GDA: variants seen among roughly 807,000 people sequenced by gnomAD.
GDA encodes the protein guanine deaminase.
In GDA, 18 loss-of-function variants were observed where a neutral mutation model predicts 59.6. That is an observed-to-expected ratio of 0.30 (90% CI 0.21 to 0.45). GDA has a LOEUF of 0.45. Ranked by LOEUF, GDA falls within the 20% of genes least tolerant of loss-of-function variation. The pLI, the probability that GDA is intolerant of heterozygous loss-of-function variation, is 1.00. For missense variants in GDA, 427 were observed against 552.3 expected, an observed-to-expected ratio of 0.77 and a Z score of 2.27; for synonymous variants, 201 against 201.1, an observed-to-expected ratio of 1.00 and a Z score of 0.00.
At chr9:72,174,666 T>A (rs1259730125) in intron 1 of GDA, among the ~76,000 whole-genome samples, 1 of 151,894 alleles carries the variant, frequency 6.6e-6, no homozygotes, top group Non-Finnish European at 1.5e-5. Flanking sequence ...ATGAATGATG[T>A]GTTGAGGAGG....
At chr9:72,121,497 T>A (rs1587291778) in intron 1 of GDA, among the ~76,000 whole-genome samples, 1 of 152,280 alleles carries the variant, frequency 6.6e-6, no homozygotes, top group Non-Finnish European at 1.5e-5. Context: ...CTCGGGAGGC[T>A]GAGGCAGGAG....
chr9:72,246,721 G>A (rs191863334), intron 12 of GDA, among the ~76,000 whole-genome samples: 1 of 147,530 alleles, frequency 6.8e-6, no homozygotes, highest in Admixed American at 6.8e-5. Context: ...CTGCATTGGG[G>A]TAAGGGGTAA....
intron 10 of GDA, among the ~76,000 whole-genome samples, chr9:72,236,008 A>G (rs910487671): frequency 6.6e-6 from 1 of 152,192 alleles, no homozygotes; most frequent in Non-Finnish European, 1.5e-5. Context: ...TTCTTCCATT[A>G]TTCCAAAAAC....
intron 4 of GDA, among the ~76,000 whole-genome samples, chr9:72,211,141 A>G (rs1279009801): frequency 1.3e-5 from 2 of 152,182 alleles, no homozygotes; most frequent in East Asian, 3.9e-4. Flanking sequence ...CAGCAGATAC[A>G]TGGTGGCTAT....
chr9:72,216,321 C>T (rs2131507877), intron 5 of GDA, among the ~76,000 whole-genome samples: 1 of 152,294 alleles, frequency 6.6e-6, no homozygotes, highest in East Asian at 1.9e-4. Flanking sequence ...GGTTGCATTT[C>T]CAGCACATTC....
chr9:72,145,718 A>G (rs1202273101), upstream of GDA, among the ~76,000 whole-genome samples: 8 of 152,170 alleles, frequency 5.3e-5, no homozygotes, highest in Non-Finnish European at 1.0e-4. Flanking sequence ...AATAGAGAAA[A>G]TTGAGATTGT....
At chr9:72,257,832 TGAG>T (rs1361179801), downstream of GDA, 1 of 151,758 alleles carries the variant, frequency 6.6e-6, no homozygotes, top group Non-Finnish European at 1.5e-5. Flanking sequence ...CTCAGGAGGC[TGAG>T]GTGGGAGGAT....
At chr9:72,136,078 AT>A (rs1826214204) in intron 1 of GDA, among the ~76,000 whole-genome samples, 1 of 152,178 alleles carries the variant, frequency 6.6e-6, no homozygotes, top group Admixed American at 6.5e-5. Flanking sequence ...AAAACTTTAC[AT>A]AAAGCCATAA....
intron 4 of GDA, 57 bp downstream of exon 4, chr9:72,210,831 T>C (rs1206456549): frequency 1.4e-5 from 15 of 1,069,606 alleles, no homozygotes; most frequent in South Asian, 2.5e-5. Context: ...CAGACCATCG[T>C]GGCAAACAAC....
intron 1 of GDA, among the ~76,000 whole-genome samples, chr9:72,152,424 T>C (rs1369049755): frequency 6.6e-6 from 1 of 152,256 alleles, no homozygotes; most frequent in Admixed American, 6.5e-5. Context: ...TACAGAGTTA[T>C]ACTTTCTGCT....
chr9:72,121,706 CA>C (rs1462797934), intron 1 of GDA, among the ~76,000 whole-genome samples: 1 of 152,206 alleles, frequency 6.6e-6, no homozygotes, highest in Non-Finnish European at 1.5e-5. Flanking sequence ...TCATCATAGA[CA>C]AACTTCCTGA....
chr9:72,250,539 T>C lies in GDA; in HGVS notation c.*2197T>C, dbSNP rs985447082. On this transcript the variant is annotated 3_prime_UTR_variant, in exon 14 of 14. Transcript: ENST00000358399. ...ATCTCTCCACATCACTTATAACTTA[T>C]GTGTTTTATTTCTCCAAGTGCGGTG... is the stretch of plus-strand genomic sequence containing the variant. The C allele has an allele frequency of 2.2e-4, 314 of 1,428,284 alleles. No individual in the cohort carries two copies. Among genetic ancestry groups the C allele is most frequent in the South Asian group, 8.1e-4 (54 of 66,828 alleles). The allele number at this position is 1,428,284 out of a possible 1,614,324, so 88.5% of individuals were successfully genotyped here. A position where few individuals can be genotyped will look rare whatever the true frequency, so the allele number is the denominator to read the frequency against.
At chr9:72,213,542 G>A (rs1196953916) in intron 4 of GDA, among the ~76,000 whole-genome samples, 9 of 151,992 alleles carry the variant, frequency 5.9e-5, no homozygotes, top group East Asian at 1.9e-4. Context: ...GGTGGCTCAC[G>A]CCTGTAATCC....
rs933512980 is a variant in GDA at position 72,194,174 on chromosome 9, G to A, written c.124-1326G>A. ...TACCTAAAGTGTAAGACAAAGTACC[G>A]TTTACCCTCTGCTTTCCTCAAGCAG... On this transcript the variant is annotated intron_variant, in intron 1 of 13. Transcript: ENST00000358399. The A allele has an allele frequency of 3.3e-5, 5 of 152,056 alleles. 1 individual carries two copies. The South Asian group carries it at 6.2e-4, about 19-fold the overall frequency. The allele number at this position is 152,056 out of a possible 1,614,324, so 9.4% of individuals were successfully genotyped here. A position where few individuals can be genotyped will look rare whatever the true frequency, so the allele number is the denominator to read the frequency against.
rs553001043 is a variant in GDA at position 72,135,038 on chromosome 9, TAG to T, written c.-100+20207_-100+20208del. Among the ~76,000 whole-genome samples, 980 of 152,348 alleles carry T rather than the reference TAG, an allele frequency of 6.4e-3. 6 individuals carry two copies. Among genetic ancestry groups the T allele is most frequent in the Non-Finnish European group, 9.6e-3 (651 of 68,032 alleles). On this transcript the variant is annotated intron_variant, in intron 1 of 13. Coordinates refer to the GDA transcript ENST00000545168. ...ATTCCTGTGGAACCACAAGGTTCTA[TAG>T]ATCAGGGAAGACAATGTTAGCCAAA...
intron 1 of GDA, among the ~76,000 whole-genome samples, chr9:72,171,878 A>G (rs1048934576): frequency 1.3e-5 from 2 of 152,204 alleles, no homozygotes; most frequent in African/African-American, 4.8e-5. Flanking sequence ...GTGTTAGCTC[A>G]TTTAACACTC....
chr9:72,229,143 G>A (rs1258835739), intron 9 of GDA: 4 of 139,584 alleles, frequency 2.9e-5, no homozygotes, highest in Admixed American at 8.5e-5. Flanking sequence ...AGACCATCCC[G>A]GCTAACACGG....
intron 2 of GDA, among the ~76,000 whole-genome samples, chr9:72,196,644 A>G (rs146594180): frequency 0.011 from 1,641 of 152,252 alleles, 36 homozygotes; most frequent in African/African-American, 0.038. Flanking sequence ...TTACACAGGT[A>G]TACATGTGCC....
intron 1 of GDA, 89 bp downstream of exon 1, chr9:72,149,771 G>C (rs1037861920): frequency 1.0e-5 from 14 of 1,356,068 alleles, no homozygotes; most frequent in Middle Eastern, 1.9e-4. Context: ...CCCGGGGTTC[G>C]CTCGGTGCGC....
Sources: allele counts gnomAD v4.1 joint callset (sites outside exome capture counted in the v4.1 genomes callset), GRCh38; gene constraint gnomAD v4.1.1; transcripts MANE v1.5; gene names NCBI Gene and HGNC (gene_info 2026-07-23, HGNC 2026-07-21).